Variants in GLIS3 observed in about 807,000 individuals in gnomAD.
The protein encoded by GLIS3 is GLIS family zinc finger 3.
A neutral mutation model predicts 78.6 loss-of-function variants in GLIS3; 53 were observed. That is an observed-to-expected ratio of 0.67 (90% confidence interval 0.54 to 0.85). The LOEUF (loss-of-function observed/expected upper bound fraction) is 0.85. GLIS3 is among the 40% of genes least tolerant of loss of function. The probability of loss-of-function intolerance (pLI) is 0.00; values close to 1 mark genes in which losing one functional copy is unlikely to be tolerated. For synonymous variants in GLIS3, 684 were observed against 509.9 expected (o/e 1.34, Z -4.60); for missense variants, 1,703 against 1,231.1 (o/e 1.38, Z -5.74).
At chr9:4,365,900 T>C in the GLIS3 span, among the ~76,000 whole-genome samples, 2 of 152,298 alleles carry the variant, frequency 1.3e-5, no homozygotes, top group African/African-American at 4.8e-5. Flanking sequence ...GCTACGAGAA[T>C]GTGATGGGTG....
chr9:4,100,727 A>AG (rs531357628), intron 4 of GLIS3, among the ~76,000 whole-genome samples: 499 of 152,164 alleles, frequency 3.3e-3, no homozygotes, highest in African/African-American at 0.011. Flanking sequence ...TATAATATTG[A>AG]GGGGGGGACA....
chr9:4,170,236 T>A (rs1816256445), intron 2 of GLIS3, among the ~76,000 whole-genome samples: 1 of 152,132 alleles, frequency 6.6e-6, no homozygotes, highest in Non-Finnish European at 1.5e-5. Context: ...ACTGTGAAGA[T>A]AGGAATTAAC....
chr9:4,281,714 G>T (rs1198061186), intron 2 of GLIS3, among the ~76,000 whole-genome samples: 4 of 152,188 alleles, frequency 2.6e-5, no homozygotes, highest in East Asian at 1.9e-4. Flanking sequence ...TGTGGACATG[G>T]GTGTCAAAAG....
At chr9:3,991,683 A>ATTTTTTTTTTTTTTTTTTTTTTTTTT (rs59495657) in intron 4 of GLIS3, among the ~76,000 whole-genome samples, 2 of 87,912 alleles carry the variant, frequency 2.3e-5, no homozygotes, top group African/African-American at 5.3e-5. Flanking sequence ...AAGTAGGCTG[A>ATTTTTTTTTTTTTTTTTTTTTTTTTT]TTTTTTTTTT....
chr9:4,035,007 C>G, intron 4 of GLIS3: 1 of 152,196 alleles, frequency 6.6e-6, no homozygotes, highest in Middle Eastern at 3.4e-3. Context: ...AGCCAGGACA[C>G]GGAGTTTCTG....
At chr9:4,170,373 G>A (rs1238971109) in intron 2 of GLIS3, among the ~76,000 whole-genome samples, 1 of 152,146 alleles carries the variant, frequency 6.6e-6, no homozygotes, top group Non-Finnish European at 1.5e-5. Context: ...GAGTGAAGCT[G>A]GGCTGGTCAA....
intron 4 of GLIS3, among the ~76,000 whole-genome samples, chr9:3,964,646 T>A (rs1398038956): frequency 6.6e-6 from 1 of 152,226 alleles, no homozygotes. Context: ...GTCTAGAACA[T>A]ACCTTGCCTG....
At chr9:4,466,826 G>A in the GLIS3 span, among the ~76,000 whole-genome samples, 1 of 152,230 alleles carries the variant, frequency 6.6e-6, no homozygotes, top group Non-Finnish European at 1.5e-5. Context: ...CTGAAGCAGT[G>A]CAGGGCATCG....
the GLIS3 span, among the ~76,000 whole-genome samples, chr9:4,366,410 A>AT: frequency 4.4e-3 from 676 of 152,238 alleles, 2 homozygotes; most frequent in Non-Finnish European, 8.1e-3. Flanking sequence ...TTTTCCTGGG[A>AT]TGGGAGGAAA....
intron 4 of GLIS3, among the ~76,000 whole-genome samples, chr9:3,993,112 T>C (rs1045426264): frequency 3.9e-5 from 6 of 152,202 alleles, no homozygotes; most frequent in African/African-American, 1.4e-4. Flanking sequence ...TCCTGTGTTC[T>C]CACTCCAGCT....
At chr9:4,186,481 C>T (rs1266719516) in intron 2 of GLIS3, among the ~76,000 whole-genome samples, 1 of 151,862 alleles carries the variant, frequency 6.6e-6, no homozygotes, top group African/African-American at 2.4e-5. Flanking sequence ...GTCTTTATAG[C>T]AGCATGATTT....
Position 4,125,882 on chromosome 9 carries a change from C to A in GLIS3, c.448G>T (p.Val150Leu). 2 of 1,614,020 alleles carry A rather than the reference C, an allele frequency of 1.2e-6. No homozygotes were observed. Among genetic ancestry groups the A allele is most frequent in the South Asian group, 2.2e-5 (2 of 91,070 alleles). Residue 150 changes from valine (V) to leucine (L), a missense_variant, in exon 3 of 11, where the codon GTG becomes TTG. Physicochemically the swap from Val to Leu is conservative, Grantham distance 32. Transcript: ENST00000381971. ...SIGKGSCNNL[V>L]VTSSPMMVQR... is the part of the protein sequence containing the mutation. Reference sequence around the variant, plus strand: ...ACCATCATGGGACTGCTGGTGACCACTAGATTGTTGCAGCTGCCTTTTCCA... The same window carrying A: ...ACCATCATGGGACTGCTGGTGACCAATAGATTGTTGCAGCTGCCTTTTCCA...
intron 2 of GLIS3, among the ~76,000 whole-genome samples, chr9:4,174,698 C>A (rs550400946): frequency 2.0e-5 from 3 of 152,190 alleles, no homozygotes; most frequent in African/African-American, 7.2e-5. Flanking sequence ...TTTGGAAATA[C>A]TGGCTTTTAA....
At chr9:4,210,807 G>C (rs1035386015) in intron 2 of GLIS3, among the ~76,000 whole-genome samples, 2 of 152,230 alleles carry the variant, frequency 1.3e-5, no homozygotes, top group East Asian at 3.8e-4. Context: ...CAATAAGCAA[G>C]TCATGGGCCT....
intron 4 of GLIS3, among the ~76,000 whole-genome samples, chr9:4,055,698 T>A (rs1418456509): frequency 6.6e-6 from 1 of 152,116 alleles, no homozygotes; most frequent in African/African-American, 2.4e-5. Flanking sequence ...GCTTCTGTGA[T>A]CAGGTCCAAA....
intron 2 of GLIS3, among the ~76,000 whole-genome samples, chr9:4,261,128 G>T (rs1002468762): frequency 2.6e-5 from 4 of 152,144 alleles, no homozygotes; most frequent in African/African-American, 7.2e-5. Context: ...ACTGACTGGG[G>T]AACTGAGTCT....
intron 2 of GLIS3, among the ~76,000 whole-genome samples, chr9:4,166,552 G>T (rs898622606): frequency 2.0e-5 from 3 of 152,232 alleles, no homozygotes; most frequent in African/African-American, 7.2e-5. Context: ...AAGTTCAAGT[G>T]CTGGCCTGAG....
intron 2 of GLIS3, among the ~76,000 whole-genome samples, chr9:4,239,857 T>C (rs1823125107): frequency 6.6e-6 from 1 of 152,248 alleles, no homozygotes. Context: ...TCAGGAGTGT[T>C]TGCAAATGGC....
intron 2 of GLIS3, among the ~76,000 whole-genome samples, chr9:4,186,896 C>T (rs997044284): frequency 6.6e-6 from 1 of 152,104 alleles, no homozygotes. Flanking sequence ...TGGATATTAG[C>T]CCTATGTCAG....
Sources: gnomAD v4.1 joint callset for allele counts (sites outside exome capture counted in the v4.1 genomes callset) on GRCh38, gnomAD v4.1.1 for gene constraint, MANE v1.5 for transcripts, NCBI Gene and HGNC (gene_info 2026-07-23, HGNC 2026-07-21) for gene names.